Variants in GABRG3 observed in about 807,000 individuals in gnomAD.
GABRG3 encodes gamma-aminobutyric acid receptor subunit gamma-3.
In GABRG3, 25 loss-of-function variants were observed where a neutral mutation model predicts 48.8. The ratio of observed to expected loss-of-function variants is 0.51; its 90% CI spans 0.37 to 0.72. The LOEUF (loss-of-function observed/expected upper bound fraction) is 0.72, where lower values mean the gene tolerates loss of function less well. Ranked by LOEUF, GABRG3 falls within the 30% of genes least tolerant of loss-of-function variation. GABRG3 has a pLI of 0.00. For missense variants in GABRG3, 394 were observed against 577.9 expected (o/e 0.68, Z 3.26); for synonymous variants, 227 against 217.6 (o/e 1.04, Z -0.38).
intron 3 of GABRG3, among the ~76,000 whole-genome samples, chr15:27,264,432 GTAC>G (rs778250112): frequency 4.7e-4 from 72 of 151,692 alleles, no homozygotes; most frequent in Admixed American, 1.5e-3. Context: ...TATTTACATT[GTAC>G]TACTAATGTC....
At chr15:27,329,967 C>T (rs935476855) in intron 5 of GABRG3, among the ~76,000 whole-genome samples, 2 of 152,124 alleles carry the variant, frequency 1.3e-5, no homozygotes, top group Admixed American at 6.5e-5. Flanking sequence ...TGGGGCTGGG[C>T]GTGGTGGCTC....
chr15:27,013,816 C>T (rs1411438015), intron 2 of GABRG3, among the ~76,000 whole-genome samples: 3 of 151,450 alleles, frequency 2.0e-5, no homozygotes, highest in African/African-American at 4.8e-5. Flanking sequence ...TCTTTTTTTT[C>T]CCCCAGGATT....
chr15:27,408,122 TA>T (rs952067767), intron 5 of GABRG3, among the ~76,000 whole-genome samples: 20 of 151,548 alleles, frequency 1.3e-4, no homozygotes, highest in South Asian at 4.2e-4. Flanking sequence ...AATAAAGTCT[TA>T]AAAAAAAATC....
chr15:27,250,083 GC>G (rs2140459209), intron 3 of GABRG3, among the ~76,000 whole-genome samples: 1 of 152,108 alleles, frequency 6.6e-6, no homozygotes, highest in Non-Finnish European at 1.5e-5. Flanking sequence ...CCTCTCCAAA[GC>G]CCCCTCACCA....
chr15:27,343,033 A>G (rs561996163), intron 5 of GABRG3, among the ~76,000 whole-genome samples: 29 of 152,258 alleles, frequency 1.9e-4, no homozygotes, highest in Non-Finnish European at 2.8e-4. Context: ...TACCAAAACT[A>G]TCTCCAAGAC....
At chr15:27,127,404 A>G (rs2159970) in intron 3 of GABRG3, among the ~76,000 whole-genome samples, 41,975 of 142,470 alleles carry the variant, frequency 0.29, 7,032 homozygotes, top group Middle Eastern at 0.4. Flanking sequence ...GGTCAAATTC[A>G]TAGAGACAGA....
At chr15:27,148,361 C>G (rs1354293288) in intron 3 of GABRG3, among the ~76,000 whole-genome samples, 1 of 151,882 alleles carries the variant, frequency 6.6e-6, no homozygotes, top group South Asian at 2.1e-4. Context: ...TAACCAGAAG[C>G]CTTACCATCG....
intron 3 of GABRG3, among the ~76,000 whole-genome samples, chr15:27,246,767 A>G (rs1890282715): frequency 6.6e-6 from 1 of 152,188 alleles, no homozygotes; most frequent in African/African-American, 2.4e-5. Context: ...TCAAGCAGTA[A>G]CTTGCGAGGA....
chr15:27,222,822 C>G (rs1182474290), intron 3 of GABRG3, among the ~76,000 whole-genome samples: 1 of 152,180 alleles, frequency 6.6e-6, no homozygotes, highest in Non-Finnish European at 1.5e-5. Context: ...AGTGAGTGCA[C>G]TCTCCTGGGA....
At chr15:27,011,209 C>T (rs965286090) in intron 2 of GABRG3, among the ~76,000 whole-genome samples, 1 of 152,176 alleles carries the variant, frequency 6.6e-6, no homozygotes, top group African/African-American at 2.4e-5. Context: ...CTAACCACAG[C>T]ATCTACTTTT....
At position 26,975,079 on chromosome 15, in the gene GABRG3, G is replaced by A. The variant is rs571846654; in HGVS notation, c.54-1923G>A. Among the ~76,000 whole-genome samples the A allele has an allele frequency of 4.6e-5, 7 of 152,002 alleles. No individual in the cohort carries two copies. The highest frequency in any genetic ancestry group is 1.7e-4 in the African/African-American group (7 of 41,464). On this transcript the variant is annotated intron_variant, in intron 1 of 9. Coordinates refer to ENST00000615808, the MANE Select transcript of GABRG3 (RefSeq NM_033223.5). The surrounding 1 kb of genome is among the most constrained non-coding windows in gnomAD (Gnocchi z 4.6). ...TTTAGTAGAGACGGGGTTTCACCCT[G>A]TTGGCCAGGCTGGTCTGGAACTCCT...
chr15:27,229,056 C>T (rs1173918680), intron 3 of GABRG3, among the ~76,000 whole-genome samples: 1 of 152,202 alleles, frequency 6.6e-6, no homozygotes, highest in Non-Finnish European at 1.5e-5. Flanking sequence ...CGTGCAGAAG[C>T]TCTTAAGTTT....
At chr15:27,402,509 A>G (rs751781352) in intron 5 of GABRG3, among the ~76,000 whole-genome samples, 2 of 152,190 alleles carry the variant, frequency 1.3e-5, no homozygotes, top group Middle Eastern at 3.2e-3. Flanking sequence ...CCTGGCAAAC[A>G]CCACTTATTT....
intron 3 of GABRG3, among the ~76,000 whole-genome samples, chr15:27,203,159 A>G (rs1490071400): frequency 6.6e-6 from 1 of 152,130 alleles, no homozygotes; most frequent in Non-Finnish European, 1.5e-5. Context: ...AGGAATCAGC[A>G]TAGTACCCAA....
chr15:27,008,210 T>A lies in GABRG3; in HGVS notation c.203-18544T>A, dbSNP rs373073397. Among the ~76,000 whole-genome samples, 69 of 152,326 alleles carry A rather than the reference T, an allele frequency of 4.5e-4. No individual in the cohort carries two copies. In the East Asian group the frequency reaches 8.7e-3, roughly 19 times the overall value. ...ACATCCAGAATCAGTGTTGAAAATA[T>A]GTAAGTATGTATTAACCTACTCAAA... On this transcript the variant is annotated intron_variant, in intron 2 of 9. Transcript: ENST00000615808.
At chr15:27,381,445 C>G (rs1256469504) in intron 5 of GABRG3, among the ~76,000 whole-genome samples, 1 of 152,208 alleles carries the variant, frequency 6.6e-6, no homozygotes, top group Admixed American at 6.5e-5. Context: ...AGACTGGACT[C>G]CTTGGAGTTT....
At chr15:27,305,471 T>A (rs1336313314) in intron 3 of GABRG3, among the ~76,000 whole-genome samples, 1 of 148,524 alleles carries the variant, frequency 6.7e-6, no homozygotes, top group Non-Finnish European at 1.5e-5. Flanking sequence ...GGATTGTGTG[T>A]GTGTGGTCTG....
At chr15:26,995,993 C>T (rs781226968) in intron 2 of GABRG3, among the ~76,000 whole-genome samples, 24 of 151,810 alleles carry the variant, frequency 1.6e-4, no homozygotes, top group Middle Eastern at 3.4e-3. Context: ...GTCCTTGTGC[C>T]GTTATTATTA....
chr15:27,101,677 G>T (rs1897359807), intron 3 of GABRG3, among the ~76,000 whole-genome samples: 1 of 151,938 alleles, frequency 6.6e-6, no homozygotes, highest in Admixed American at 6.6e-5. Flanking sequence ...ATTCAATGGA[G>T]GAAGAAGGCA....
Sources: allele counts gnomAD v4.1 joint callset (sites outside exome capture counted in the v4.1 genomes callset), GRCh38; gene constraint gnomAD v4.1.1; non-coding constraint Gnocchi (gnomAD v3.1); transcripts MANE v1.5; gene names NCBI Gene and HGNC (gene_info 2026-07-23, HGNC 2026-07-21).